Variants in SUSD6 observed in about 807,000 individuals in gnomAD.
SUSD6 encodes sushi domain-containing protein 6.
Under a neutral mutation model 28.4 loss-of-function variants are expected in SUSD6, and 16 were observed. The ratio of observed to expected loss-of-function variants is 0.56; its 90% CI spans 0.38 to 0.86. The LOEUF (loss-of-function observed/expected upper bound fraction) is 0.86, where lower values mean the gene tolerates loss of function less well. Ranked by LOEUF, SUSD6 falls within the 40% of genes least tolerant of loss-of-function variation. SUSD6 has a pLI of 0.00. For synonymous variants in SUSD6, 147 were observed against 159.6 expected (o/e 0.92, Z 0.59); for missense variants, 341 against 384.2 (o/e 0.89, Z 0.94).
chr14:69,651,664 A>G (rs905757562), intron 1 of SUSD6, among the ~76,000 whole-genome samples: 1 of 152,248 alleles, frequency 6.6e-6, no homozygotes, highest in African/African-American at 2.4e-5. Flanking sequence ...TTGATCCACA[A>G]TGGGAGAAGA....
intron 2 of SUSD6, among the ~76,000 whole-genome samples, chr14:69,690,938 C>CT (rs1455432215): frequency 6.6e-6 from 1 of 152,164 alleles, no homozygotes; most frequent in African/African-American, 2.4e-5. Context: ...TTTATTGTCT[C>CT]TTTTGTATTT....
chr14:69,644,845 G>C (rs1885404014), intron 1 of SUSD6, among the ~76,000 whole-genome samples: 1 of 152,144 alleles, frequency 6.6e-6, no homozygotes. Context: ...GGCCCCACAT[G>C]CAGGGAACTG....
intron 1 of SUSD6, among the ~76,000 whole-genome samples, chr14:69,637,009 A>C (rs1885274633): frequency 6.6e-6 from 1 of 152,178 alleles, no homozygotes; most frequent in Admixed American, 6.5e-5. Flanking sequence ...TAAGGCAGTA[A>C]TGTGTTAGGA....
At chr14:69,675,121 G>C (rs906908787) in intron 2 of SUSD6, among the ~76,000 whole-genome samples, 4 of 151,882 alleles carry the variant, frequency 2.6e-5, no homozygotes, top group Non-Finnish European at 5.9e-5. Flanking sequence ...GTTTGAAGAT[G>C]GTTTTAATGA....
chr14:69,666,606 C>T (rs1885745494), intron 2 of SUSD6, among the ~76,000 whole-genome samples: 2 of 152,112 alleles, frequency 1.3e-5, no homozygotes, highest in African/African-American at 4.8e-5. Flanking sequence ...CTTTTCGTAG[C>T]TATATTGGTA....
intron 1 of SUSD6, among the ~76,000 whole-genome samples, chr14:69,616,214 C>T (rs1025202937): frequency 6.6e-6 from 1 of 152,168 alleles, no homozygotes; most frequent in Admixed American, 6.5e-5. Context: ...AGATTGGATA[C>T]AAAACCTCAG....
At chr14:69,703,260 T>A in intron 2 of SUSD6, 135 bp from the exon 3 acceptor site, 1 of 738,818 alleles carries the variant, frequency 1.4e-6, no homozygotes, top group Non-Finnish European at 2.2e-6. Flanking sequence ...CAGGGTTTGG[T>A]TAACAGTTCC....
At position 69,648,667 on chromosome 14, in the gene SUSD6, A is replaced by G. The variant is rs1170120592; in HGVS notation, c.-80-9846A>G. Among the ~76,000 whole-genome samples, 10 of 152,180 alleles carry G rather than the reference A, an allele frequency of 6.6e-5. No homozygotes were observed. The East Asian group carries it at 1.7e-3, about 26-fold the overall frequency. Reference sequence around the variant, plus strand: ...CTCCCAGGCCTTTGGAAAACGATCCACAGAGATGGTAAAAAGTAAACATAA... The same window carrying G: ...CTCCCAGGCCTTTGGAAAACGATCCGCAGAGATGGTAAAAAGTAAACATAA... On this transcript the variant is annotated intron_variant, in intron 1 of 5. Transcript: ENST00000342745.
At chr14:69,612,065 G>A (rs1159706432) in intron 1 of SUSD6, among the ~76,000 whole-genome samples, 1 of 150,452 alleles carries the variant, frequency 6.6e-6, no homozygotes, top group Non-Finnish European at 1.5e-5. Context: ...CAGCAGTGGG[G>A]GCTGCGCGGC....
chr14:69,614,099 G>A (rs879381331), intron 1 of SUSD6, among the ~76,000 whole-genome samples: 6 of 152,038 alleles, frequency 3.9e-5, no homozygotes, highest in Non-Finnish European at 8.8e-5. Flanking sequence ...ATGGAGTCTC[G>A]CTCTGTCACC....
At chr14:69,616,975 C>T (rs545117836) in intron 1 of SUSD6, 1 of 152,260 alleles carries the variant, frequency 6.6e-6, no homozygotes, top group East Asian at 1.9e-4. Flanking sequence ...TAGGCAACCA[C>T]TCATCTTTCT....
At chr14:69,684,547 T>G (rs1017068245) in intron 2 of SUSD6, among the ~76,000 whole-genome samples, 1 of 152,250 alleles carries the variant, frequency 6.6e-6, no homozygotes, top group African/African-American at 2.4e-5. Context: ...ACTGCCCAGT[T>G]TTCTTAATGG....
At chr14:69,615,425 C>A (rs1042073598) in intron 1 of SUSD6, 6 of 152,202 alleles carry the variant, frequency 3.9e-5, no homozygotes, top group Admixed American at 2.0e-4. Context: ...GTGCCTCTTA[C>A]AAGGCTTAGG....
At chr14:69,653,631 A>T (rs1324456110) in intron 1 of SUSD6, among the ~76,000 whole-genome samples, 1 of 151,948 alleles carries the variant, frequency 6.6e-6, no homozygotes, top group Non-Finnish European at 1.5e-5. Flanking sequence ...ATTTTTTTTA[A>T]TTAGGAGGAG....
intron 2 of SUSD6, among the ~76,000 whole-genome samples, chr14:69,673,776 A>T (rs72723893): frequency 1.8e-4 from 28 of 152,272 alleles, no homozygotes; most frequent in Non-Finnish European, 3.7e-4. Flanking sequence ...GGTATGAAGA[A>T]CGGGACCCTG....
At chr14:69,616,797 C>T (rs2139588347) in intron 1 of SUSD6, among the ~76,000 whole-genome samples, 1 of 151,946 alleles carries the variant, frequency 6.6e-6, no homozygotes, top group East Asian at 1.9e-4. Context: ...GTATTTTTTT[C>T]ACTTAGCTTT....
At chr14:69,655,269 G>A (rs947360189) in intron 1 of SUSD6, among the ~76,000 whole-genome samples, 2 of 152,020 alleles carry the variant, frequency 1.3e-5, no homozygotes, top group African/African-American at 4.8e-5. Context: ...TTAAACCTCT[G>A]TACGGTATTC....
At chr14:69,693,120 G>A (rs755484829) in intron 2 of SUSD6, among the ~76,000 whole-genome samples, 5 of 152,228 alleles carry the variant, frequency 3.3e-5, no homozygotes, top group Non-Finnish European at 7.3e-5. Flanking sequence ...TCTGGAGGTG[G>A]AGGTAGGAGA....
chr14:69,674,146 A>G (rs558544558), intron 2 of SUSD6, among the ~76,000 whole-genome samples: 29 of 152,276 alleles, frequency 1.9e-4, no homozygotes, highest in Admixed American at 1.0e-3. Flanking sequence ...ACACCTGCCT[A>G]CAGAGAGAAT....
Sources: gnomAD v4.1 joint callset for allele counts (sites outside exome capture counted in the v4.1 genomes callset) on GRCh38, gnomAD v4.1.1 for gene constraint, MANE v1.5 for transcripts, NCBI Gene and HGNC (gene_info 2026-07-23, HGNC 2026-07-21) for gene names.